ENTHD1: variants seen among roughly 807,000 people sequenced by gnomAD.
ENTHD1 encodes ENTH domain containing 1, also known as ENTH domain-containing protein 1.
ENTHD1 carries 23 observed loss-of-function variants against 39.1 expected under a neutral mutation model. The observed-to-expected ratio is 0.59, with a 90% confidence interval of 0.42 to 0.83. ENTHD1 has a LOEUF of 0.83. Ranked by LOEUF, ENTHD1 falls within the 40% of genes least tolerant of loss-of-function variation. The pLI is 0.00. For missense variants in ENTHD1, 624 were observed against 705.4 expected (o/e 0.88, Z 1.31); for synonymous variants, 230 against 258.2 (o/e 0.89, Z 1.05).
chr22:39,890,761 G>A (rs571471256), intron 1 of ENTHD1, among the ~76,000 whole-genome samples: 1 of 152,118 alleles, frequency 6.6e-6, no homozygotes, highest in South Asian at 2.1e-4. Flanking sequence ...CCAACCATTA[G>A]AAAAATCGCA....
At chr22:39,846,541 T>C (rs1221482456) in intron 3 of ENTHD1, among the ~76,000 whole-genome samples, 1 of 152,218 alleles carries the variant, frequency 6.6e-6, no homozygotes, top group Non-Finnish European at 1.5e-5. Flanking sequence ...TTTTGGTGTT[T>C]TAGATGTGAA....
chr22:39,759,592 T>G (rs2065213867), intron 6 of ENTHD1, among the ~76,000 whole-genome samples: 1 of 152,082 alleles, frequency 6.6e-6, no homozygotes, highest in Non-Finnish European at 1.5e-5. Context: ...TTATTTTTGT[T>G]GTTTACTTCC....
chr22:39,784,185 A>G (rs548168188), intron 5 of ENTHD1, among the ~76,000 whole-genome samples: 1 of 152,296 alleles, frequency 6.6e-6, no homozygotes, highest in African/African-American at 2.4e-5. Flanking sequence ...GTAAATCAAA[A>G]CTACAATGAG....
chr22:39,779,983 C>T (rs889006223), intron 5 of ENTHD1, among the ~76,000 whole-genome samples: 1 of 151,998 alleles, frequency 6.6e-6, no homozygotes, highest in African/African-American at 2.4e-5. Context: ...TACATACTAC[C>T]AGAGAAAATC....
At chr22:39,754,024 C>G (rs1419468968) in intron 6 of ENTHD1, among the ~76,000 whole-genome samples, 1 of 152,158 alleles carries the variant, frequency 6.6e-6, no homozygotes, top group East Asian at 1.9e-4. Flanking sequence ...TTACCACTCC[C>G]TTGCTGCCAT....
Position 39,744,128 on chromosome 22 carries a change from AG to A in ENTHD1, c.1374del (p.Phe459LeufsTer24), listed in dbSNP as rs769388346. On this transcript the variant is annotated frameshift_variant, in exon 7 of 7. Transcript: ENST00000325157. LOFTEE classifies it low-confidence loss of function (END_TRUNC). ...TTGGCTGTCTTATCTTCATCTTTAA[AG>A]GAGGTAGAAGACAACTGTTGATGGG... ...TLSHQQLSSTSFKDEDKTAKL... is the reference protein window; with the variant it reads ...TLSHQQLSSTXFKDEDKTAKL... 19 of 1,614,016 alleles carry A rather than the reference AG, an allele frequency of 1.2e-5. No individual in the cohort carries two copies. The Admixed American group carries it at 2.5e-4, about 21-fold the overall frequency.
intron 2 of ENTHD1, among the ~76,000 whole-genome samples, chr22:39,876,417 C>T (rs573363216): frequency 6.6e-6 from 1 of 150,748 alleles, no homozygotes; most frequent in African/African-American, 2.4e-5. Context: ...CTGTAACTGA[C>T]TTTATTTTCT....
chr22:39,888,369 G>A (rs2066400651), intron 1 of ENTHD1, among the ~76,000 whole-genome samples: 1 of 146,792 alleles, frequency 6.8e-6, no homozygotes, highest in African/African-American at 2.5e-5. Context: ...CTAGGTTCAT[G>A]CAATTCTCCT....
At chr22:39,770,693 G>A (rs2065314251) in intron 5 of ENTHD1, among the ~76,000 whole-genome samples, 1 of 152,142 alleles carries the variant, frequency 6.6e-6, no homozygotes, top group Admixed American at 6.5e-5. Context: ...CCCAATAAGT[G>A]AATGAACATG....
chr22:39,811,228 G>T (rs1433024271), intron 5 of ENTHD1, among the ~76,000 whole-genome samples: 2 of 152,188 alleles, frequency 1.3e-5, no homozygotes, highest in African/African-American at 4.8e-5. Context: ...ATAATCATGG[G>T]CCTCTCTAAA....
At chr22:39,757,720 C>T (rs1371491892) in intron 6 of ENTHD1, among the ~76,000 whole-genome samples, 1 of 151,900 alleles carries the variant, frequency 6.6e-6, no homozygotes, top group Admixed American at 6.6e-5. Context: ...CAGGGTCTCC[C>T]TATGTTGTTG....
At chr22:39,875,822 C>A (rs2066284607) in intron 2 of ENTHD1, 2 of 1,613,662 alleles carry the variant, frequency 1.2e-6, no homozygotes, top group African/African-American at 2.7e-5. Flanking sequence ...GTTTGTACGT[C>A]ATAGAACCCA....
At chr22:39,850,550 G>A (rs1047279203) in intron 3 of ENTHD1, among the ~76,000 whole-genome samples, 1 of 151,426 alleles carries the variant, frequency 6.6e-6, no homozygotes, top group African/African-American at 2.4e-5. Flanking sequence ...AATCTATCTG[G>A]GCTTATTTCT....
At chr22:39,785,060 T>C (rs755288909) in intron 5 of ENTHD1, among the ~76,000 whole-genome samples, 17 of 152,346 alleles carry the variant, frequency 1.1e-4, no homozygotes, top group East Asian at 1.9e-4. Flanking sequence ...ATTTATTATA[T>C]ATCAATTAAA....
At chr22:39,818,516 G>T (rs1245713424) in intron 5 of ENTHD1, among the ~76,000 whole-genome samples, 1 of 152,240 alleles carries the variant, frequency 6.6e-6, no homozygotes, top group Non-Finnish European at 1.5e-5. Context: ...ACAGGGCATT[G>T]TGAGTACTGG....
At chr22:39,769,184 A>G (rs1022277739) in intron 5 of ENTHD1, among the ~76,000 whole-genome samples, 6 of 152,206 alleles carry the variant, frequency 3.9e-5, no homozygotes, top group Non-Finnish European at 7.3e-5. Context: ...CACAGTGTCT[A>G]GAAAATTGTA....
At chr22:39,840,334 C>T (rs1383091838) in intron 3 of ENTHD1, among the ~76,000 whole-genome samples, 1 of 152,160 alleles carries the variant, frequency 6.6e-6, no homozygotes, top group African/African-American at 2.4e-5. Context: ...AGAAGCTGTA[C>T]ATCCCACTGA....
chr22:39,879,320 C>A (rs553449178), intron 2 of ENTHD1, among the ~76,000 whole-genome samples: 2 of 150,982 alleles, frequency 1.3e-5, no homozygotes, highest in South Asian at 4.2e-4. Flanking sequence ...AAAATTAGCT[C>A]GGTGTGGTGG....
In ENTHD1 at chr22:39,839,477, C is replaced by T. The variant is rs746529020; in HGVS notation, c.593-3519G>A. On this transcript the variant is annotated intron_variant, in intron 3 of 6. Transcript: ENST00000325157. ...GGGTAGAGGCAAAGATAAATTACTC[C>T]GAGCAGAAGGACCTACGTGGGCAAA... Among the ~76,000 whole-genome samples, 20 of 152,198 alleles carry T rather than the reference C, an allele frequency of 1.3e-4. 1 individual carries two copies. The highest frequency in any genetic ancestry group is 5.8e-4 in the East Asian group (3 of 5,192).
Sources: gnomAD v4.1 joint callset for allele counts (sites outside exome capture counted in the v4.1 genomes callset) on GRCh38, gnomAD v4.1.1 for gene constraint, MANE v1.5 for transcripts, NCBI Gene and HGNC (gene_info 2026-07-23, HGNC 2026-07-21) for gene names.